Variants in TRERF1 observed in about 807,000 individuals in gnomAD.
TRERF1 encodes the protein transcriptional regulating factor 1.
Under a neutral mutation model 122.9 loss-of-function variants are expected in TRERF1, and 27 were observed. The ratio of observed to expected loss-of-function variants is 0.22; its 90% confidence interval spans 0.16 to 0.30. The LOEUF (loss-of-function observed/expected upper bound fraction) is 0.30, where lower values mean the gene tolerates loss of function less well. TRERF1 is among the 10% of genes least tolerant of loss of function. The pLI is 1.00. For missense variants in TRERF1, 1,248 were observed against 1,560.3 expected (o/e 0.80, Z 3.37); for synonymous variants, 636 against 641.7 (o/e 0.99, Z 0.13).
Position 42,268,952 on chromosome 6 carries a change from A to G in TRERF1, c.639T>C (p.Thr213=), listed in dbSNP as rs753757883. 1 of 1,612,024 alleles carries G rather than the reference A, an allele frequency of 6.2e-7. No individual in the cohort carries two copies. Among genetic ancestry groups the G allele is most frequent in the South Asian group, 1.1e-5 (1 of 91,002 alleles). ...GAAGAGCTGGTTTGGACAGCCCACC[A>G]GTGAAACCAGGGTGAGGCTGCTGGG... Residue 213 remains threonine (T), a synonymous_variant, in exon 5 of 18, where the codon ACT becomes ACC. Coordinates refer to ENST00000372922, the Ensembl canonical transcript of TRERF1. The surrounding 1 kb of genome is among the most constrained non-coding windows in gnomAD (Gnocchi z 4.4).
rs533910944 is a variant in TRERF1, at chr6:42,400,431, T to C, written c.-453-37352A>G. Among the ~76,000 whole-genome samples the C allele has an allele frequency of 2.0e-5, 3 of 152,274 alleles. No homozygotes were observed. In the East Asian group the frequency reaches 5.8e-4, roughly 29 times the overall value. Reference sequence around the variant, plus strand: ...GGGCAGCAGTTTCACCCCATCTCATTGTGAGGGGCTTTCCTTTGGCACAAG... The same window carrying C: ...GGGCAGCAGTTTCACCCCATCTCATCGTGAGGGGCTTTCCTTTGGCACAAG... On this transcript the variant is annotated intron_variant, in intron 2 of 17. Transcript: ENST00000372922.
exon 6 of TRERF1, chr6:42,265,787 G>A (rs748676426): frequency 6.2e-7 from 1 of 1,613,206 alleles, no homozygotes. Context: ...TCTCCCATCA[G>A]GTAGGTGCAT....
intron 2 of TRERF1, among the ~76,000 whole-genome samples, chr6:42,404,241 C>T (rs1779853553): frequency 1.3e-5 from 2 of 152,152 alleles, no homozygotes; most frequent in African/African-American, 4.8e-5. Flanking sequence ...ACATCTTTCA[C>T]CTTATTTCTC....
chr6:42,260,892 G>A (rs919052950), intron 8 of TRERF1, among the ~76,000 whole-genome samples: 1 of 152,142 alleles, frequency 6.6e-6, no homozygotes, highest in African/African-American at 2.4e-5. Context: ...TTCTCCCTCA[G>A]CTTCTCTGCC....
intron 4 of TRERF1, among the ~76,000 whole-genome samples, chr6:42,272,824 C>G (rs1780473236): frequency 1.3e-5 from 2 of 152,176 alleles, no homozygotes; most frequent in African/African-American, 4.8e-5. Flanking sequence ...ATAGCCTCAT[C>G]CACCACCCAT....
chr6:42,262,460 G>C (rs139083520), intron 8 of TRERF1, among the ~76,000 whole-genome samples: 4 of 7,224 alleles, frequency 5.5e-4, no homozygotes, highest in African/African-American at 1.7e-3. Flanking sequence ...GAGAGAGAGA[G>C]AGAGAGGAGA....
intron 9 of TRERF1, 75 bp from the exon 10 acceptor site, chr6:42,258,276 A>T (rs985391526): frequency 3.9e-5 from 52 of 1,326,200 alleles, no homozygotes; most frequent in Non-Finnish European, 5.3e-5. Flanking sequence ...ATGAGCAGTT[A>T]CCTAACCAGC....
Position 42,309,082 on chromosome 6 carries a change from G to A in TRERF1, c.-370-8333C>T, listed in dbSNP as rs554627796. Reference sequence around the variant, plus strand: ...AGAGACTTTAACTCATTAGGTCTGCGCTGGGCCCAGGGACCTATTTTTTAA... The same window carrying A: ...AGAGACTTTAACTCATTAGGTCTGCACTGGGCCCAGGGACCTATTTTTTAA... On this transcript the variant is annotated intron_variant, in intron 3 of 17. Coordinates refer to ENST00000372922, the Ensembl canonical transcript of TRERF1. 9.2e-5 allele frequency among the ~76,000 whole-genome samples: 14 copies of A among 152,076 alleles called. No individual in the cohort carries two copies. The South Asian group carries it at 2.1e-3, about 23-fold the overall frequency.
Position 42,262,860 on chromosome 6 carries a change from C to T in TRERF1, c.1884+460G>A, listed in dbSNP as rs142022087. Among the ~76,000 whole-genome samples, 1,111 of 152,234 alleles carry T rather than the reference C, an allele frequency of 7.3e-3. 3 individuals are homozygous for T. Among genetic ancestry groups the T allele is most frequent in the South Asian group, 0.022 (106 of 4,822 alleles). On this transcript the variant is annotated intron_variant, in intron 8 of 17. Transcript: ENST00000372922. ...AGGGCTATTGCCTGGAAGCCTGCTGCGCCAGTGGTTACCTCTTTGGTTGTG... is the reference window on the plus strand; with the variant it reads ...AGGGCTATTGCCTGGAAGCCTGCTGTGCCAGTGGTTACCTCTTTGGTTGTG...
intron 3 of TRERF1, among the ~76,000 whole-genome samples, chr6:42,356,968 A>G (rs1350016555): frequency 6.6e-6 from 1 of 152,180 alleles, no homozygotes; most frequent in Non-Finnish European, 1.5e-5. Context: ...GTCAAAAAGC[A>G]CAATGTCGTC....
At chr6:42,391,165 A>T (rs1777674003) in intron 2 of TRERF1, among the ~76,000 whole-genome samples, 1 of 152,250 alleles carries the variant, frequency 6.6e-6, no homozygotes, top group South Asian at 2.1e-4. Context: ...ATCTCCCAGA[A>T]CAGGGCTTTT....
chr6:42,439,320 C>T (rs1418044125), intron 2 of TRERF1, among the ~76,000 whole-genome samples: 1 of 152,182 alleles, frequency 6.6e-6, no homozygotes, highest in East Asian at 1.9e-4. Flanking sequence ...AATCCCTGCT[C>T]ACCTCTCCAG....
chr6:42,328,945 A>G (rs1176103854), intron 3 of TRERF1, among the ~76,000 whole-genome samples: 1 of 152,076 alleles, frequency 6.6e-6, no homozygotes, highest in African/African-American at 2.4e-5. Context: ...AGTCACTATG[A>G]TAAGTGGGGA....
At chr6:42,360,689 C>T (rs963573376) in intron 3 of TRERF1, among the ~76,000 whole-genome samples, 1 of 151,206 alleles carries the variant, frequency 6.6e-6, no homozygotes, top group Admixed American at 6.6e-5. Flanking sequence ...CCCCAGCCTC[C>T]CCACAGCCTG....
chr6:42,373,497 C>T (rs1296188334), intron 2 of TRERF1, among the ~76,000 whole-genome samples: 1 of 152,036 alleles, frequency 6.6e-6, no homozygotes, highest in African/African-American at 2.4e-5. Context: ...GAAACCCCGT[C>T]TCTATTAAAA....
At chr6:42,301,468 T>C (rs1786184975) in intron 3 of TRERF1, among the ~76,000 whole-genome samples, 1 of 152,222 alleles carries the variant, frequency 6.6e-6, no homozygotes, top group African/African-American at 2.4e-5. Flanking sequence ...GACCTCATGA[T>C]CTGCCCGCCT....
At chr6:42,305,995 C>CT (rs55700516) in intron 3 of TRERF1, among the ~76,000 whole-genome samples, 2,608 of 69,456 alleles carry the variant, frequency 0.038, 147 homozygotes, top group African/African-American at 0.056. Flanking sequence ...AATATCTCTC[C>CT]TTTTTTTTTT....
chr6:42,293,892 T>C (rs1449671802), intron 4 of TRERF1, among the ~76,000 whole-genome samples: 1 of 152,060 alleles, frequency 6.6e-6, no homozygotes, highest in East Asian at 1.9e-4. Flanking sequence ...CAGAATAAAG[T>C]TGGACCTGAG....
At chr6:42,359,609 T>G (rs1172022136) in intron 3 of TRERF1, among the ~76,000 whole-genome samples, 2 of 152,072 alleles carry the variant, frequency 1.3e-5, no homozygotes, top group Non-Finnish European at 2.9e-5. Flanking sequence ...CTGCAGTCCC[T>G]GCTACTCGGG....
Sources: allele counts gnomAD v4.1 joint callset (sites outside exome capture counted in the v4.1 genomes callset), GRCh38; gene constraint gnomAD v4.1.1; non-coding constraint Gnocchi (gnomAD v3.1); transcripts MANE v1.5; gene names NCBI Gene and HGNC (gene_info 2026-07-23, HGNC 2026-07-21).